The following NLGN1 variants were observed in gnomAD, a reference collection of about 807,000 sequenced individuals.
NLGN1 encodes neuroligin 1, also known as neuroligin-1.
A neutral mutation model predicts 65.5 loss-of-function variants in NLGN1; 12 were observed. The observed-to-expected ratio is 0.18, with a 90% CI of 0.12 to 0.30. The LOEUF (loss-of-function observed/expected upper bound fraction) is 0.30. Ranked by LOEUF, NLGN1 falls within the 10% of genes least tolerant of loss-of-function variation. NLGN1 has a pLI of 1.00. For synonymous variants in NLGN1, 350 were observed against 359.5 expected, an observed-to-expected ratio of 0.97 and a Z score of 0.30; for missense variants, 750 against 1,007.1, an observed-to-expected ratio of 0.74 and a Z score of 3.46.
chr3:173,860,677 G>A (rs957946161), intron 4 of NLGN1, among the ~76,000 whole-genome samples: 2 of 152,210 alleles, frequency 1.3e-5, no homozygotes, highest in Admixed American at 1.3e-4. Context: ...AGGTAGGGAA[G>A]TTTGGATCCA....
chr3:173,520,489 T>A (rs567588988), intron 2 of NLGN1, among the ~76,000 whole-genome samples: 2 of 152,300 alleles, frequency 1.3e-5, no homozygotes, highest in South Asian at 4.1e-4. Flanking sequence ...GAGTTAATGC[T>A]GGGGCTGAGA....
intron 4 of NLGN1, among the ~76,000 whole-genome samples, chr3:174,153,830 A>G (rs1207447622): frequency 6.6e-6 from 1 of 152,054 alleles, no homozygotes; most frequent in Non-Finnish European, 1.5e-5. Context: ...TTGTCTCTAC[A>G]AAAATTTTTT....
chr3:173,661,178 AGAGTAGTGAGC>A, intron 3 of NLGN1, among the ~76,000 whole-genome samples: 1 of 152,136 alleles, frequency 6.6e-6, no homozygotes, highest in South Asian at 2.1e-4. Context: ...AATTCAAAGT[AGAGTAGTGAGC>A]GAGCTGAAAA....
At chr3:173,871,817 G>A (rs985188626) in intron 4 of NLGN1, among the ~76,000 whole-genome samples, 2 of 152,168 alleles carry the variant, frequency 1.3e-5, no homozygotes, top group Admixed American at 6.5e-5. Flanking sequence ...GAGTTAAGGT[G>A]TGATATGTCC....
At chr3:174,164,938 T>C (rs1400580403) in intron 4 of NLGN1, among the ~76,000 whole-genome samples, 1 of 152,076 alleles carries the variant, frequency 6.6e-6, no homozygotes, top group Non-Finnish European at 1.5e-5. Context: ...TTTGATGATA[T>C]TGATTCTTCC....
rs566764824 is a variant in NLGN1, at chr3:174,100,110, GA to G, written c.647-175198del. ...TGCTCCTCATTGAGCAAAATAAGGTGAAAAAAACTTCCTTAAATATTTCAGA... is the reference window on the plus strand; with the variant it reads ...TGCTCCTCATTGAGCAAAATAAGGTGAAAAAACTTCCTTAAATATTTCAGA... On this transcript the variant is annotated intron_variant, in intron 4 of 6. Transcript: ENST00000457714. Among the ~76,000 whole-genome samples the G allele has an allele frequency of 3.9e-5, 6 of 151,982 alleles. No individual in the cohort carries two copies. The South Asian group carries it at 1.0e-3, about 26-fold the overall frequency.
At chr3:173,964,760 A>G (rs1342926840) in intron 4 of NLGN1, among the ~76,000 whole-genome samples, 3 of 152,234 alleles carry the variant, frequency 2.0e-5, no homozygotes, top group Non-Finnish European at 4.4e-5. Flanking sequence ...ATAGATTTAT[A>G]TATTTATGTT....
intron 2 of NLGN1, among the ~76,000 whole-genome samples, chr3:173,530,291 C>T (rs567257691): frequency 7.2e-5 from 11 of 152,266 alleles, no homozygotes; most frequent in Middle Eastern, 6.8e-3. Flanking sequence ...TTGCACCAGC[C>T]TTGTTTTCAT....
At chr3:173,774,418 T>C (rs1780010118) in intron 3 of NLGN1, among the ~76,000 whole-genome samples, 2 of 152,206 alleles carry the variant, frequency 1.3e-5, no homozygotes, top group East Asian at 3.8e-4. Context: ...AGTCATCCTA[T>C]CTTTTCCACA....
At chr3:174,015,341 C>A (rs1216717346) in intron 4 of NLGN1, among the ~76,000 whole-genome samples, 3 of 152,100 alleles carry the variant, frequency 2.0e-5, no homozygotes, top group Non-Finnish European at 4.4e-5. Flanking sequence ...GTCAGAGAGG[C>A]AGAATGGTCG....
At chr3:173,957,005 G>A (rs903067199) in intron 4 of NLGN1, among the ~76,000 whole-genome samples, 3 of 151,916 alleles carry the variant, frequency 2.0e-5, no homozygotes, top group Admixed American at 2.0e-4. Context: ...TTATAAAATG[G>A]TGATTTTAGG....
chr3:174,276,513 T>G (rs1750619036), intron 5 of NLGN1, among the ~76,000 whole-genome samples: 1 of 151,934 alleles, frequency 6.6e-6, no homozygotes, highest in African/African-American at 2.4e-5. Flanking sequence ...AAGAAAAAAG[T>G]ATACACTGTC....
chr3:174,100,121 C>T (rs1561040855), intron 4 of NLGN1, among the ~76,000 whole-genome samples: 1 of 152,092 alleles, frequency 6.6e-6, no homozygotes, highest in East Asian at 1.9e-4. Context: ...AAAAAAACTT[C>T]CTTAAATATT....
rs1730330681 is a variant in NLGN1 at position 174,032,979 on chromosome 3, C to A, written c.646+225147C>A. Reference sequence around the variant, plus strand: ...CAAATATATGTATATATATTTAGGTCATATATATAGATATAGATCTATCTA... The same window carrying A: ...CAAATATATGTATATATATTTAGGTAATATATATAGATATAGATCTATCTA... On this transcript the variant is annotated intron_variant, in intron 4 of 6. Transcript: ENST00000457714. Among the ~76,000 whole-genome samples the A allele has an allele frequency of 2.3e-5, 3 of 132,174 alleles. No homozygotes were observed. The South Asian group carries it at 7.1e-4, about 31-fold the overall frequency. 86.7% of individuals were successfully genotyped at this position (132,174 alleles called of 152,430 possible).
At chr3:174,160,834 A>G (rs6765809) in intron 4 of NLGN1, among the ~76,000 whole-genome samples, 121,840 of 151,436 alleles carry the variant, frequency 0.8, 49,502 homozygotes, top group African/African-American at 0.92. Context: ...ATTATTGACC[A>G]TAGTCACTCT....
intron 2 of NLGN1, among the ~76,000 whole-genome samples, chr3:173,543,942 T>C (rs913766118): frequency 1.3e-5 from 2 of 152,120 alleles, no homozygotes; most frequent in Non-Finnish European, 1.5e-5. Flanking sequence ...CAGGGAAGAC[T>C]TCTTAGTGGG....
At chr3:173,520,438 T>G (rs956103265) in intron 2 of NLGN1, among the ~76,000 whole-genome samples, 1 of 152,190 alleles carries the variant, frequency 6.6e-6, no homozygotes, top group East Asian at 1.9e-4. Flanking sequence ...ATCCATTTAG[T>G]CACCTAGCAT....
chr3:174,084,877 C>A (rs1742942451), intron 4 of NLGN1, among the ~76,000 whole-genome samples: 2 of 151,870 alleles, frequency 1.3e-5, no homozygotes, highest in African/African-American at 4.8e-5. Flanking sequence ...AAATATTTTT[C>A]TTTTAAAAAC....
chr3:173,615,208 A>AATTG (rs1752877401), intron 3 of NLGN1, among the ~76,000 whole-genome samples: 1 of 152,152 alleles, frequency 6.6e-6, no homozygotes, highest in Middle Eastern at 3.4e-3. Context: ...TTTATCAATT[A>AATTG]ATTGATTGAT....
Sources: gnomAD v4.1 joint callset for allele counts (sites outside exome capture counted in the v4.1 genomes callset) on GRCh38, gnomAD v4.1.1 for gene constraint, MANE v1.5 for transcripts, NCBI Gene and HGNC (gene_info 2026-07-23, HGNC 2026-07-21) for gene names.